Variants in FNBP1 observed in about 807,000 individuals in gnomAD.
FNBP1 encodes the protein formin binding protein 1, also known as formin-binding protein 1.
Under a neutral mutation model 90.6 loss-of-function variants are expected in FNBP1, and 26 were observed. The observed-to-expected ratio is 0.29, with a 90% CI of 0.21 to 0.40. The LOEUF (loss-of-function observed/expected upper bound fraction) is 0.40, where lower values mean the gene tolerates loss of function less well. Ranked by LOEUF, FNBP1 falls within the 10% of genes least tolerant of loss-of-function variation. The pLI is 1.00. For missense variants in FNBP1, 635 were observed against 768.0 expected, an observed-to-expected ratio of 0.83 and a Z score of 2.05; for synonymous variants, 260 against 265.2, an observed-to-expected ratio of 0.98 and a Z score of 0.19.
In FNBP1 at chr9:130,042,735, A is replaced by G. The variant is rs1383511759; in HGVS notation, c.24+217T>C. Among the ~76,000 whole-genome samples the G allele has an allele frequency of 6.6e-6, 1 of 151,248 alleles. No individual in the cohort carries two copies. The highest frequency in any genetic ancestry group is 2.0e-4 in the East Asian group (1 of 5,126). On this transcript the variant is annotated intron_variant, in intron 1 of 16. Coordinates refer to ENST00000446176, the MANE Select transcript of FNBP1 (RefSeq NM_015033.3). The surrounding 1 kb of genome is among the most constrained non-coding windows in gnomAD (Gnocchi z 5.5). ...CCTCAGGCCGCCGGGGACCCGCACC[A>G]ACTCCCCTCGCCTCCGAAGGACAAG...
intron 1 of FNBP1, among the ~76,000 whole-genome samples, chr9:130,001,259 G>A (rs935701858): frequency 1.3e-4 from 20 of 150,376 alleles, no homozygotes; most frequent in African/African-American, 4.6e-4. Flanking sequence ...TTGAACCCGG[G>A]AGGCGGAGGT....
chr9:129,978,122 G>A (rs549211646), intron 4 of FNBP1, among the ~76,000 whole-genome samples: 3 of 152,148 alleles, frequency 2.0e-5, no homozygotes, highest in African/African-American at 7.2e-5. Context: ...CCAGGTTCAA[G>A]CGTTTCTCCT....
At chr9:129,975,902 T>A (rs1274767465) in intron 4 of FNBP1, among the ~76,000 whole-genome samples, 12 of 73,910 alleles carry the variant, frequency 1.6e-4, no homozygotes, top group Admixed American at 3.6e-4. Context: ...GACTCCATCT[T>A]AAAAAAAAAA....
chr9:130,012,691 G>A lies in FNBP1; in HGVS notation c.25-17733C>T, dbSNP rs533706552. Among the ~76,000 whole-genome samples the A allele has an allele frequency of 1.3e-3, 204 of 152,260 alleles. 1 individual carries two copies. Among genetic ancestry groups the A allele is most frequent in the African/African-American group, 4.8e-3 (200 of 41,554 alleles). On this transcript the variant is annotated intron_variant, in intron 1 of 16. Transcript: ENST00000446176. Reference sequence around the variant, plus strand: ...GTCTCGCTCTGTCGCCCAGGCTGGAGTGCAGTGGTGCGATCTCGGCTCACT... The same window carrying A: ...GTCTCGCTCTGTCGCCCAGGCTGGAATGCAGTGGTGCGATCTCGGCTCACT...
At chr9:129,918,530 T>C (rs1212529907) in intron 10 of FNBP1, among the ~76,000 whole-genome samples, 2 of 152,200 alleles carry the variant, frequency 1.3e-5, no homozygotes, top group African/African-American at 4.8e-5. Context: ...TATTGGACAG[T>C]CACAGTACTA....
intron 1 of FNBP1, among the ~76,000 whole-genome samples, chr9:130,015,672 C>CTTCTG (rs549498603): frequency 1.3e-5 from 2 of 152,082 alleles, no homozygotes; most frequent in Non-Finnish European, 2.9e-5. Flanking sequence ...GCATTTATTT[C>CTTCTG]TTTTGTTTTG....
At chr9:129,997,311 G>C (rs1265791702) in intron 1 of FNBP1, among the ~76,000 whole-genome samples, 1 of 152,104 alleles carries the variant, frequency 6.6e-6, no homozygotes, top group Non-Finnish European at 1.5e-5. Flanking sequence ...ATGGGTGACA[G>C]AATGAGACTA....
chr9:129,905,053 T>C (rs982284953), intron 12 of FNBP1, among the ~76,000 whole-genome samples: 11 of 151,910 alleles, frequency 7.2e-5, no homozygotes, highest in Admixed American at 1.3e-4. Context: ...CCAAGTGTAA[T>C]GTTGTCCACC....
At position 130,008,038 on chromosome 9, in the gene FNBP1, T is replaced by A. The variant is rs570053946; in HGVS notation, c.25-13080A>T. On this transcript the variant is annotated intron_variant, in intron 1 of 16. Transcript: ENST00000446176. ...AATTAAACTGCTTACTTTTTTTCAT[T>A]AAAAAAAAAAAAACACCTAATTTCT... is the stretch of plus-strand genomic sequence containing the variant. Among the ~76,000 whole-genome samples, 80 of 134,972 alleles carry A rather than the reference T, an allele frequency of 5.9e-4. 1 individual carries two copies. In the South Asian group the frequency reaches 0.017, roughly 29 times the overall value. 88.5% of individuals were successfully genotyped at this position (134,972 alleles called of 152,430 possible).
chr9:129,888,133 T>C lies in FNBP1; in HGVS notation c.*2406A>G, dbSNP rs2131127107. The C allele has an allele frequency of 4.3e-6, 1 of 232,822 alleles. No individual in the cohort carries two copies. Among genetic ancestry groups the C allele is most frequent in the Admixed American group, 5.6e-5 (1 of 17,780 alleles). 14.4% of individuals were successfully genotyped at this position (232,822 alleles called of 1,614,324 possible). A position where few individuals can be genotyped will look rare whatever the true frequency, so the allele number is the denominator to read the frequency against. ...AACAGGCGGAGGAGTGACGGGGGGA[T>C]ACAAGCATATCCTATACTGGGGGTG... On this transcript the variant is annotated 3_prime_UTR_variant, in exon 17 of 17. Transcript: ENST00000446176.
At chr9:129,961,023 G>C (rs1040919695) in intron 4 of FNBP1, among the ~76,000 whole-genome samples, 1 of 152,008 alleles carries the variant, frequency 6.6e-6, no homozygotes, top group African/African-American at 2.4e-5. Context: ...CTCCCAAGTA[G>C]AGAGACTAGC....
At chr9:130,037,516 C>T (rs1298191808) in intron 1 of FNBP1, among the ~76,000 whole-genome samples, 1 of 152,006 alleles carries the variant, frequency 6.6e-6, no homozygotes, top group African/African-American at 2.4e-5. Context: ...TTTAAAATTT[C>T]GACACACTAG....
At chr9:129,967,540 T>A (rs1033416337) in intron 4 of FNBP1, among the ~76,000 whole-genome samples, 2 of 150,512 alleles carry the variant, frequency 1.3e-5, no homozygotes, top group Non-Finnish European at 3.0e-5. Context: ...TGTTTTGGGG[T>A]GGGCTAACAG....
chr9:129,956,986 G>T (rs1394131513), intron 6 of FNBP1, among the ~76,000 whole-genome samples: 2 of 151,090 alleles, frequency 1.3e-5, no homozygotes, highest in Non-Finnish European at 2.9e-5. Flanking sequence ...GGGGATGGGT[G>T]GTCGGTGATG....
chr9:129,955,624 G>A (rs2046812031), intron 6 of FNBP1, among the ~76,000 whole-genome samples: 1 of 151,822 alleles, frequency 6.6e-6, no homozygotes, highest in East Asian at 1.9e-4. Context: ...AGGAGGCTGA[G>A]GCAGGAGGAT....
the FNBP1 span, chr9:130,053,877 C>T: frequency 6.5e-7 from 1 of 1,528,060 alleles, no homozygotes. Flanking sequence ...GGCGGCTGCG[C>T]CCTTTCACCC....
chr9:129,945,194 G>T (rs2045056221), intron 6 of FNBP1, among the ~76,000 whole-genome samples: 1 of 152,046 alleles, frequency 6.6e-6, no homozygotes, highest in South Asian at 2.1e-4. Context: ...TCTTTCATTT[G>T]AACCTTGATC....
chr9:130,015,028 A>G (rs1449817732), intron 1 of FNBP1, among the ~76,000 whole-genome samples: 8 of 152,036 alleles, frequency 5.3e-5, no homozygotes, highest in East Asian at 1.9e-4. Context: ...AATATTTTTC[A>G]TATACCACCA....
intron 1 of FNBP1, among the ~76,000 whole-genome samples, chr9:130,025,359 G>C (rs1360933484): frequency 6.6e-6 from 1 of 152,108 alleles, no homozygotes; most frequent in Non-Finnish European, 1.5e-5. Context: ...TTGAGCTACA[G>C]TGTGGGACTC....
Sources: gnomAD v4.1 joint callset for allele counts (sites outside exome capture counted in the v4.1 genomes callset) on GRCh38, gnomAD v4.1.1 for gene constraint, Gnocchi (gnomAD v3.1) non-coding constraint, MANE v1.5 for transcripts, NCBI Gene and HGNC (gene_info 2026-07-23, HGNC 2026-07-21) for gene names.